The following RIC8B variants were observed in gnomAD, a reference collection of about 807,000 sequenced individuals.
RIC8B encodes RIC8 guanine nucleotide exchange factor B.
RIC8B carries 16 observed loss-of-function variants against 57.5 expected under a neutral mutation model. The observed-to-expected ratio is 0.28, with a 90% CI of 0.19 to 0.42. The LOEUF (loss-of-function observed/expected upper bound fraction) is 0.42, where lower values mean the gene tolerates loss of function less well. Among genes scored for constraint, RIC8B ranks in the 10% least tolerant of loss-of-function variants. The pLI is 1.00. For synonymous variants in RIC8B, 216 were observed against 250.8 expected, an observed-to-expected ratio of 0.86 and a Z score of 1.31; for missense variants, 481 against 677.0, an observed-to-expected ratio of 0.71 and a Z score of 3.21.
rs1192669496 is a variant in RIC8B at position 106,779,943 on chromosome 12, C to T, written c.85-4054C>T. On this transcript the variant is annotated intron_variant, in intron 1 of 9. Transcript: ENST00000392837. The stretch of plus-strand genomic sequence containing the variant: ...GTCTCACCATGTTGCCTAGGCTGGT[C>T]TTGAACTTCTGGGCCTCAGCCTCCC... 2.3e-5 allele frequency among the ~76,000 whole-genome samples: 3 copies of T among 129,608 alleles called. No homozygotes were observed. In the East Asian group the frequency reaches 7.1e-4, roughly 31 times the overall value. 85.0% of individuals were successfully genotyped at this position (129,608 alleles called of 152,430 possible). A position where few individuals can be genotyped will look rare whatever the true frequency, so the allele number is the denominator to read the frequency against.
Position 106,803,215 on chromosome 12 carries a change from CAAAAAAAAA to C in RIC8B, c.133-11466_133-11458del, listed in dbSNP as rs55853235. 3.9e-4 allele frequency among the ~76,000 whole-genome samples: 33 copies of C among 84,020 alleles called. 1 individual carries two copies. In the East Asian group the frequency reaches 0.01, roughly 27 times the overall value. The allele number at this position is 84,020 out of a possible 152,430, so 55.1% of individuals were successfully genotyped here. A position where few individuals can be genotyped will look rare whatever the true frequency, so the allele number is the denominator to read the frequency against. ...TGACAAGAGTGATGATACCCTGTCT[CAAAAAAAAA>C]AAAAAAAAAAAAAAGCAAGTTTCTT... On this transcript the variant is annotated intron_variant, in intron 2 of 9. Coordinates refer to ENST00000392837, the MANE Select transcript of RIC8B (RefSeq NM_001330145.2).
intron 2 of RIC8B, among the ~76,000 whole-genome samples, chr12:106,785,005 T>TGGC (rs2043940859): frequency 6.6e-6 from 1 of 152,224 alleles, no homozygotes. Flanking sequence ...TCTAGTAGAT[T>TGGC]GGCATCCATA....
chr12:106,803,154 G>C (rs1459458284), intron 2 of RIC8B, among the ~76,000 whole-genome samples: 1 of 143,500 alleles, frequency 7.0e-6, no homozygotes, highest in Non-Finnish European at 1.5e-5. Flanking sequence ...CGAAGTTACA[G>C]TGAGCTGTGA....
intron 9 of RIC8B, among the ~76,000 whole-genome samples, chr12:106,877,992 A>G (rs1593401642): frequency 6.6e-6 from 1 of 152,276 alleles, no homozygotes; most frequent in South Asian, 2.1e-4. Context: ...ACTGTACACC[A>G]TATCAATTTG....
intron 8 of RIC8B, among the ~76,000 whole-genome samples, chr12:106,861,552 C>G (rs566472507): frequency 5.2e-4 from 79 of 152,022 alleles, no homozygotes; most frequent in African/African-American, 1.6e-3. Flanking sequence ...TGGGGGAAAG[C>G]TGGCAATGAC....
chr12:106,851,684 C>A (rs1949483149), intron 7 of RIC8B, 90 bp downstream of exon 7: 1 of 1,103,728 alleles, frequency 9.1e-7, no homozygotes, highest in Non-Finnish European at 1.3e-6. Context: ...TCGTCTCATT[C>A]CATTCTTTCC....
chr12:106,829,901 T>C (rs1484279233), intron 4 of RIC8B, among the ~76,000 whole-genome samples: 3 of 152,246 alleles, frequency 2.0e-5, no homozygotes, highest in African/African-American at 7.2e-5. Flanking sequence ...CAAGTATTTA[T>C]GATCTGTAGT....
chr12:106,807,198 T>G (rs2045080200), intron 2 of RIC8B, among the ~76,000 whole-genome samples: 1 of 152,370 alleles, frequency 6.6e-6, no homozygotes, highest in South Asian at 2.1e-4. Context: ...TGGTACAGAT[T>G]CTGTATGGTA....
intron 2 of RIC8B, among the ~76,000 whole-genome samples, chr12:106,794,043 A>G (rs1190327266): frequency 1.3e-5 from 2 of 152,222 alleles, no homozygotes; most frequent in Admixed American, 6.5e-5. Flanking sequence ...AAAGGAAACC[A>G]TGATTAAAGA....
intron 2 of RIC8B, among the ~76,000 whole-genome samples, chr12:106,787,200 G>T (rs1232303225): frequency 6.6e-6 from 1 of 152,118 alleles, no homozygotes; most frequent in Non-Finnish European, 1.5e-5. Context: ...TTCCTGGGAG[G>T]TCTGTTATAA....
At chr12:106,802,013 C>A (rs2044754416) in intron 2 of RIC8B, among the ~76,000 whole-genome samples, 1 of 152,132 alleles carries the variant, frequency 6.6e-6, no homozygotes, top group Non-Finnish European at 1.5e-5. Flanking sequence ...AAAATTAGAT[C>A]CTTGTGGAAT....
chr12:106,807,080 A>G (rs1299265096), intron 2 of RIC8B, among the ~76,000 whole-genome samples: 1 of 152,000 alleles, frequency 6.6e-6, no homozygotes, highest in Non-Finnish European at 1.5e-5. Context: ...AGTCCTGTCA[A>G]TTTTCCCTCT....
At chr12:106,776,940 G>A (rs940471405) in intron 1 of RIC8B, among the ~76,000 whole-genome samples, 4 of 152,222 alleles carry the variant, frequency 2.6e-5, no homozygotes, top group East Asian at 3.9e-4. Context: ...GTGCAATCAC[G>A]GCTCACTGCA....
At chr12:106,805,687 T>C (rs764477064) in intron 2 of RIC8B, among the ~76,000 whole-genome samples, 34 of 152,216 alleles carry the variant, frequency 2.2e-4, no homozygotes, top group Non-Finnish European at 4.3e-4. Context: ...ACAAATCTAA[T>C]GTCATTATCC....
intron 6 of RIC8B, among the ~76,000 whole-genome samples, chr12:106,850,053 G>A (rs866770437): frequency 4.6e-5 from 7 of 152,232 alleles, no homozygotes; most frequent in African/African-American, 7.2e-5. Flanking sequence ...GCCTACTGTC[G>A]TATCAGCTGG....
chr12:106,794,753 C>T (rs1276240059), intron 2 of RIC8B, among the ~76,000 whole-genome samples: 1 of 152,162 alleles, frequency 6.6e-6, no homozygotes, highest in African/African-American at 2.4e-5. Flanking sequence ...CTAGCTGACT[C>T]ACCTTACAAG....
At chr12:106,872,912 A>T (rs1566172064) in intron 9 of RIC8B, 2 of 531,244 alleles carry the variant, frequency 3.8e-6, no homozygotes, top group East Asian at 3.0e-4. Context: ...ATAACTGCCT[A>T]AGACTACACA....
At chr12:106,859,813 T>A (rs1246682057) in intron 7 of RIC8B, among the ~76,000 whole-genome samples, 4 of 152,180 alleles carry the variant, frequency 2.6e-5, no homozygotes, top group African/African-American at 9.7e-5. Flanking sequence ...TTTTCTTTAT[T>A]TCTTACTTCC....
rs543293424 is a variant in RIC8B, at chr12:106,846,168, A to C, written c.1161+2221A>C. 1.4e-4 allele frequency among the ~76,000 whole-genome samples: 21 copies of C among 152,310 alleles called. No homozygotes were observed. In the South Asian group the frequency reaches 3.5e-3, roughly 26 times the overall value. ...TGTCACCTAAGCTCTAGACTTATAC[A>C]GTGAACTGCCGACTCATCTCCTCCT... On this transcript the variant is annotated intron_variant, in intron 6 of 9. Coordinates refer to ENST00000392837, the MANE Select transcript of RIC8B (RefSeq NM_001330145.2).
Sources: allele counts gnomAD v4.1 joint callset (sites outside exome capture counted in the v4.1 genomes callset), GRCh38; gene constraint gnomAD v4.1.1; transcripts MANE v1.5; gene names NCBI Gene and HGNC (gene_info 2026-07-23, HGNC 2026-07-21).